Variants in ADAM22 observed in about 807,000 individuals in gnomAD.
ADAM22 encodes ADAM metallopeptidase domain 22.
Under a neutral mutation model 144.6 loss-of-function variants are expected in ADAM22, and 65 were observed. The ratio of observed to expected loss-of-function variants is 0.45; its 90% CI spans 0.37 to 0.55. The LOEUF is 0.55. Among genes scored for constraint, ADAM22 ranks in the 20% least tolerant of loss-of-function variants. The pLI, the probability that ADAM22 is intolerant of heterozygous loss-of-function variation, is 0.00. For missense variants in ADAM22, 974 were observed against 1,184.9 expected, an observed-to-expected ratio of 0.82 and a Z score of 2.61; for synonymous variants, 391 against 412.6, an observed-to-expected ratio of 0.95 and a Z score of 0.63.
chr7:88,151,972 A>T (rs1838522546), intron 20 of ADAM22, among the ~76,000 whole-genome samples: 1 of 152,214 alleles, frequency 6.6e-6, no homozygotes. Flanking sequence ...ACTAGCCCAA[A>T]CTTTTGGAAG....
At chr7:88,025,419 G>T (rs370842509) in intron 3 of ADAM22, among the ~76,000 whole-genome samples, 1 of 152,052 alleles carries the variant, frequency 6.6e-6, no homozygotes, top group Non-Finnish European at 1.5e-5. Flanking sequence ...TTGCCTGTGC[G>T]TGTGGGGTAT....
Position 88,075,657 on chromosome 7 carries a change from C to G in ADAM22, c.355C>G (p.His119Asp). The change falls in exon 4 of 32, where the codon CAC becomes GAC. Residue 119 changes from histidine to aspartate, a missense_variant. His to Asp is a moderately conservative substitution (Grantham distance 81, BLOSUM62 -1). Transcript: ENST00000413139. The stretch of plus-strand genomic sequence containing the variant: ...GCTGTCCTCTGAATACATAGAGAGA[C>G]ACATTGAACATGGAGGCAAGACTGT... The part of the protein sequence containing the change: ...DLLSSEYIER[H>D]IEHGGKTVEV... 2 of 1,613,740 alleles carry G rather than the reference C, an allele frequency of 1.2e-6. No individual in the cohort carries two copies. Among genetic ancestry groups the G allele is most frequent in the Non-Finnish European group, 1.7e-6 (2 of 1,179,902 alleles).
chr7:88,173,841 C>T (rs138639977), intron 26 of ADAM22, among the ~76,000 whole-genome samples: 28 of 152,056 alleles, frequency 1.8e-4, no homozygotes, highest in East Asian at 3.9e-4. Context: ...ATTATGGTGA[C>T]GGGAAGTTAT....
In ADAM22 at chr7:88,068,585, G is replaced by A. The variant is rs143844479; in HGVS notation, c.324-7041G>A. 3.2e-3 allele frequency among the ~76,000 whole-genome samples: 490 copies of A among 152,288 alleles called. 8 individuals carry two copies. Among genetic ancestry groups the A allele is most frequent in the Non-Finnish European group, 2.5e-3 (167 of 68,014 alleles). On this transcript the variant is annotated intron_variant, in intron 3 of 31. Coordinates refer to ENST00000413139, the MANE Select transcript of ADAM22 (RefSeq NM_001324418.2). ...CAATCACTGAATGTTAGAACAAGAAGGCATAGCTTGTTACAGTATATTATA... is the reference window on the plus strand; with the variant it reads ...CAATCACTGAATGTTAGAACAAGAAAGCATAGCTTGTTACAGTATATTATA...
chr7:88,202,002 T>C lies in ADAM22; in HGVS notation c.*5511T>C. The C allele has an allele frequency of 6.6e-6, 1 of 152,192 alleles. No individual in the cohort carries two copies. Among genetic ancestry groups the C allele is most frequent in the South Asian group, 2.1e-4 (1 of 4,836 alleles). 9.4% of individuals were successfully genotyped at this position (152,192 alleles called of 1,614,324 possible). Reference sequence around the variant, plus strand: ...TGCAAATAGCCCCAATCTTTAAATATAGCGGTGCTAAGTTGAACAAGTAAC... The same window carrying C: ...TGCAAATAGCCCCAATCTTTAAATACAGCGGTGCTAAGTTGAACAAGTAAC... On this transcript the variant is annotated 3_prime_UTR_variant, in exon 32 of 32. Transcript: ENST00000413139.
intron 2 of ADAM22, among the ~76,000 whole-genome samples, chr7:87,958,403 G>A (rs1263762281): frequency 6.9e-6 from 1 of 144,702 alleles, no homozygotes; most frequent in Non-Finnish European, 1.5e-5. Flanking sequence ...TTTTTTTTTT[G>A]AGATGGAGTT....
At chr7:88,131,507 A>G (rs560429120) in intron 11 of ADAM22, 72 bp downstream of exon 11, 7 of 1,485,728 alleles carry the variant, frequency 4.7e-6, no homozygotes, top group East Asian at 2.3e-5. Context: ...ACTGAAATGT[A>G]TCCTTTCTGC....
chr7:88,100,813 C>T (rs1039034989), intron 4 of ADAM22, among the ~76,000 whole-genome samples: 6 of 152,014 alleles, frequency 3.9e-5, no homozygotes, highest in African/African-American at 1.4e-4. Flanking sequence ...CCATGCCCAG[C>T]CTCCCAAGGA....
chr7:87,999,802 T>A (rs764738226), intron 3 of ADAM22, among the ~76,000 whole-genome samples: 40 of 152,180 alleles, frequency 2.6e-4, no homozygotes, highest in Non-Finnish European at 4.3e-4. Flanking sequence ...TATCCTTGGA[T>A]AAATTCTTTA....
intron 3 of ADAM22, among the ~76,000 whole-genome samples, chr7:87,987,712 A>G (rs1486576228): frequency 3.9e-5 from 6 of 152,182 alleles, no homozygotes; most frequent in Non-Finnish European, 7.3e-5. Context: ...TACAGTAAGG[A>G]CTATGTTTTA....
intron 14 of ADAM22, among the ~76,000 whole-genome samples, chr7:88,141,675 A>G (rs1487341935): frequency 6.6e-6 from 1 of 152,152 alleles, no homozygotes; most frequent in Non-Finnish European, 1.5e-5. Context: ...TTAACACTGT[A>G]TAGTCAGCAT....
chr7:88,138,750 G>A (rs556123691), intron 14 of ADAM22, among the ~76,000 whole-genome samples: 2 of 152,344 alleles, frequency 1.3e-5, no homozygotes, highest in South Asian at 4.1e-4. Context: ...GATAATTGAA[G>A]GGGCTATGTT....
intron 30 of ADAM22, among the ~76,000 whole-genome samples, chr7:88,192,047 A>G (rs970361645): frequency 1.3e-5 from 2 of 152,232 alleles, no homozygotes; most frequent in Non-Finnish European, 2.9e-5. Context: ...ATGCTATTGA[A>G]TGCAGTGTAG....
chr7:87,990,368 A>G (rs1789503967), intron 3 of ADAM22, among the ~76,000 whole-genome samples: 1 of 152,238 alleles, frequency 6.6e-6, no homozygotes, highest in Non-Finnish European at 1.5e-5. Flanking sequence ...ATTGTAACTG[A>G]TGAAAAATCA....
At chr7:88,148,837 CTG>C in intron 17 of ADAM22, 138 bp from the exon 18 acceptor site, 1 of 584,450 alleles carries the variant, frequency 1.7e-6, no homozygotes, top group Non-Finnish European at 3.0e-6. Context: ...TTTTCAGTAA[CTG>C]TGGTTTTGAC....
chr7:88,032,275 G>A (rs185238023), intron 3 of ADAM22, among the ~76,000 whole-genome samples: 1 of 152,340 alleles, frequency 6.6e-6, no homozygotes, highest in East Asian at 1.9e-4. Flanking sequence ...CTGGGGTGGA[G>A]CTGCTCAGGG....
At chr7:88,174,075 G>T (rs1021171480) in intron 26 of ADAM22, among the ~76,000 whole-genome samples, 1 of 152,100 alleles carries the variant, frequency 6.6e-6, no homozygotes, top group Admixed American at 6.5e-5. Context: ...TGTTGTAATG[G>T]CTCAGAAGTA....
At chr7:87,934,971 G>T in intron 1 of ADAM22, 55 bp from the exon 2 acceptor site, 2 of 1,610,222 alleles carry the variant, frequency 1.2e-6, no homozygotes, top group East Asian at 4.5e-5. Context: ...GAGGGTCAGG[G>T]TCATTATTTT....
chr7:87,966,544 T>G (rs1190001409), intron 2 of ADAM22, among the ~76,000 whole-genome samples: 3 of 152,054 alleles, frequency 2.0e-5, no homozygotes, highest in Admixed American at 1.3e-4. Context: ...TAGGAGCTGG[T>G]GCCAGTGTCA....
Sources: allele counts gnomAD v4.1 joint callset (sites outside exome capture counted in the v4.1 genomes callset), GRCh38; gene constraint gnomAD v4.1.1; transcripts MANE v1.5; gene names NCBI Gene and HGNC (gene_info 2026-07-23, HGNC 2026-07-21).